The following CNTN4 variants were observed in gnomAD, a reference collection of about 807,000 sequenced individuals.
The protein encoded by CNTN4 is contactin-4.
In CNTN4, 77 loss-of-function variants were observed where a neutral mutation model predicts 122.5. The ratio of observed to expected loss-of-function variants is 0.63; its 90% CI spans 0.52 to 0.76. The LOEUF is 0.76. Among genes scored for constraint, CNTN4 ranks in the 30% least tolerant of loss-of-function variants. CNTN4 has a pLI of 0.00. For synonymous variants in CNTN4, 512 were observed against 447.0 expected (o/e 1.15, Z -1.83); for missense variants, 1,256 against 1,259.1 (o/e 1.00, Z 0.04).
chr3:2,784,427 C>T (rs760166558), intron 6 of CNTN4, among the ~76,000 whole-genome samples: 1 of 152,184 alleles, frequency 6.6e-6, no homozygotes, highest in Non-Finnish European at 1.5e-5. Context: ...TATAATTAGA[C>T]CCTTTTTTCA....
chr3:2,349,313 T>A (rs2044520279), intron 3 of CNTN4, among the ~76,000 whole-genome samples: 1 of 152,286 alleles, frequency 6.6e-6, no homozygotes, highest in East Asian at 1.9e-4. Flanking sequence ...TTAGGGTACA[T>A]TTTTAACCTT....
rs770042753 is a variant in CNTN4 at position 2,429,362 on chromosome 3, G to A, written c.-89+90129G>A. Among the ~76,000 whole-genome samples, 20 of 152,304 alleles carry A rather than the reference G, an allele frequency of 1.3e-4. No individual in the cohort carries two copies. In the Middle Eastern group the frequency reaches 0.01, roughly 78 times the overall value. On this transcript the variant is annotated intron_variant, in intron 3 of 24. Coordinates refer to ENST00000418658, the MANE Select transcript of CNTN4 (RefSeq NM_175607.3). ...TGGAGGTCCACTCCAGACCCTGTTT[G>A]CCTGAGTGTCAGCAGCAGAGGCTGC...
At chr3:2,303,414 C>G (rs1304795972) in intron 2 of CNTN4, among the ~76,000 whole-genome samples, 1 of 152,150 alleles carries the variant, frequency 6.6e-6, no homozygotes, top group Non-Finnish European at 1.5e-5. Context: ...AATCCACTTT[C>G]TGTCCCGACA....
chr3:2,417,224 G>T (rs1256094149), intron 3 of CNTN4, among the ~76,000 whole-genome samples: 2 of 152,160 alleles, frequency 1.3e-5, no homozygotes, highest in Non-Finnish European at 2.9e-5. Flanking sequence ...CAATCCAGCA[G>T]TTATCCAACT....
At chr3:2,171,214 T>C (rs575964915) in intron 2 of CNTN4, among the ~76,000 whole-genome samples, 1 of 152,288 alleles carries the variant, frequency 6.6e-6, no homozygotes, top group African/African-American at 2.4e-5. Context: ...AATGGACAGA[T>C]AAATAAAAAT....
chr3:2,575,504 C>CAGGA (rs1266334870), intron 4 of CNTN4, among the ~76,000 whole-genome samples: 2 of 152,050 alleles, frequency 1.3e-5, no homozygotes, highest in African/African-American at 2.4e-5. Flanking sequence ...GAGCCAGACT[C>CAGGA]AGGAAGGAAG....
intron 2 of CNTN4, among the ~76,000 whole-genome samples, chr3:2,231,515 G>A (rs889404636): frequency 2.6e-5 from 4 of 152,174 alleles, no homozygotes; most frequent in Non-Finnish European, 5.9e-5. Flanking sequence ...AGAGTTCTCT[G>A]AGGAAGCAGT....
At chr3:2,782,723 T>G (rs939376784) in intron 6 of CNTN4, among the ~76,000 whole-genome samples, 1 of 152,160 alleles carries the variant, frequency 6.6e-6, no homozygotes, top group African/African-American at 2.4e-5. Flanking sequence ...GCCCATTCCC[T>G]GGGGCTTTCA....
intron 24 of CNTN4, among the ~76,000 whole-genome samples, chr3:3,055,076 C>A (rs1701661772): frequency 6.6e-6 from 1 of 152,172 alleles, no homozygotes; most frequent in South Asian, 2.1e-4. Context: ...GCCAGTGTTT[C>A]TGGATGGAGT....
chr3:2,314,344 T>A (rs2043018747), intron 2 of CNTN4, among the ~76,000 whole-genome samples: 1 of 151,822 alleles, frequency 6.6e-6, no homozygotes, highest in African/African-American at 2.4e-5. Context: ...GTTTCGAAAA[T>A]AACTAAAAAA....
At position 2,588,250 on chromosome 3, in the gene CNTN4, G is replaced by A. The variant is rs146321469; in HGVS notation, c.55+16692G>A. 3.7e-3 allele frequency among the ~76,000 whole-genome samples: 569 copies of A among 152,256 alleles called. 5 individuals are homozygous for A. Among genetic ancestry groups the A allele is most frequent in the African/African-American group, 0.013 (539 of 41,544 alleles). ...GTATAAGACTGTCATGTGTCAGAGAGATTTTAAAGACATGCTGGCACCAAG... is the reference window on the plus strand; with the variant it reads ...GTATAAGACTGTCATGTGTCAGAGAAATTTTAAAGACATGCTGGCACCAAG... On this transcript the variant is annotated intron_variant, in intron 4 of 24. Coordinates refer to ENST00000418658, the MANE Select transcript of CNTN4 (RefSeq NM_175607.3).
intron 2 of CNTN4, among the ~76,000 whole-genome samples, chr3:2,159,504 T>C (rs977178696): frequency 1.3e-5 from 2 of 152,156 alleles, no homozygotes; most frequent in African/African-American, 4.8e-5. Context: ...TGGGAAAGGA[T>C]ACAAAAGGCA....
At chr3:2,115,538 G>A (rs1333246026) in intron 2 of CNTN4, among the ~76,000 whole-genome samples, 11 of 152,200 alleles carry the variant, frequency 7.2e-5, no homozygotes, top group Admixed American at 7.2e-4. Context: ...TGCCTCTTGA[G>A]GCCTGTCCAG....
chr3:3,018,534 T>C (rs965640867), intron 14 of CNTN4, among the ~76,000 whole-genome samples: 2 of 152,100 alleles, frequency 1.3e-5, no homozygotes, highest in Non-Finnish European at 2.9e-5. Flanking sequence ...TATGGAGACA[T>C]GGCTGTGGGT....
In CNTN4 at chr3:2,634,676, G is replaced by GAA. The variant is rs10655083; in HGVS notation, c.55+63129_55+63130dup. On this transcript the variant is annotated intron_variant, in intron 4 of 24. Coordinates refer to ENST00000418658, the MANE Select transcript of CNTN4 (RefSeq NM_175607.3). ...AAACCCCATCTCTACTAAAAATACA[G>GAA]AAAAAAAAAAAATATATATATATAT... 7.6e-3 allele frequency among the ~76,000 whole-genome samples: 1,020 copies of GAA among 134,622 alleles called. 7 individuals carry two copies. Among genetic ancestry groups the GAA allele is most frequent in the African/African-American group, 0.01 (361 of 35,412 alleles). 88.3% of individuals were successfully genotyped at this position (134,622 alleles called of 152,430 possible). A position where few individuals can be genotyped will look rare whatever the true frequency, so the allele number is the denominator to read the frequency against.
chr3:2,222,964 C>T (rs1372597836), intron 2 of CNTN4, among the ~76,000 whole-genome samples: 2 of 152,170 alleles, frequency 1.3e-5, no homozygotes, highest in East Asian at 1.9e-4. Flanking sequence ...GACAGAAGCC[C>T]ACCACGATGA....
intron 24 of CNTN4, 53 bp from the exon 25 acceptor site, chr3:3,056,067 C>G (rs1416638638): frequency 7.1e-7 from 1 of 1,414,536 alleles, no homozygotes; most frequent in Non-Finnish European, 1.0e-6. Context: ...GGCCCCTCTT[C>G]CCTTTGAAGC....
At chr3:2,419,497 G>T (rs573134162) in intron 3 of CNTN4, among the ~76,000 whole-genome samples, 73 of 152,128 alleles carry the variant, frequency 4.8e-4, no homozygotes, top group Admixed American at 1.9e-3. Context: ...CTAGCCCAAT[G>T]TTTCAAAAAA....
At chr3:2,266,396 C>T (rs2041050612) in intron 2 of CNTN4, among the ~76,000 whole-genome samples, 2 of 152,060 alleles carry the variant, frequency 1.3e-5, no homozygotes, top group Non-Finnish European at 2.9e-5. Context: ...GTTCAAAACA[C>T]CTATGGAAAT....
Sources: allele counts gnomAD v4.1 joint callset (sites outside exome capture counted in the v4.1 genomes callset), GRCh38; gene constraint gnomAD v4.1.1; transcripts MANE v1.5; gene names NCBI Gene and HGNC (gene_info 2026-07-23, HGNC 2026-07-21).